Variants in NRXN1 observed in about 807,000 individuals in gnomAD.
NRXN1 encodes neurexin 1, also known as neurexin-1.
In NRXN1, 39 loss-of-function variants were observed where a neutral mutation model predicts 150.9. The ratio of observed to expected loss-of-function variants is 0.26; its 90% confidence interval spans 0.20 to 0.34. The LOEUF (loss-of-function observed/expected upper bound fraction) is 0.34. Ranked by LOEUF, NRXN1 falls within the 10% of genes least tolerant of loss-of-function variation. NRXN1 has a pLI of 1.00. For synonymous variants in NRXN1, 924 were observed against 757.0 expected (o/e 1.22, Z -3.62); for missense variants, 1,815 against 1,949.9 (o/e 0.93, Z 1.30).
intron 22 of NRXN1, among the ~76,000 whole-genome samples, chr2:49,937,825 A>C (rs1015860032): frequency 6.8e-6 from 1 of 147,496 alleles, no homozygotes; most frequent in Admixed American, 6.9e-5. Context: ...CACACATTTA[A>C]ATGTAGAACA....
intron 17 of NRXN1, among the ~76,000 whole-genome samples, chr2:50,297,077 A>C (rs868774331): frequency 8.3e-4 from 28 of 33,816 alleles, no homozygotes; most frequent in Middle Eastern, 0.034. Context: ...TTTTTAGTAG[A>C]GATGGGTTTC....
intron 18 of NRXN1, among the ~76,000 whole-genome samples, chr2:50,229,087 T>C (rs1021446875): frequency 7.2e-5 from 11 of 152,064 alleles, no homozygotes; most frequent in Non-Finnish European, 1.6e-4. Context: ...ATTTGGATTA[T>C]TTATGTCTAC....
chr2:50,663,184 T>A (rs779905279), intron 5 of NRXN1, among the ~76,000 whole-genome samples: 1 of 152,064 alleles, frequency 6.6e-6, no homozygotes, highest in Non-Finnish European at 1.5e-5. Flanking sequence ...CTTTTGCTCA[T>A]TGAAACACCA....
chr2:50,109,152 T>C (rs1429640366), intron 18 of NRXN1, among the ~76,000 whole-genome samples: 1 of 152,164 alleles, frequency 6.6e-6, no homozygotes, highest in East Asian at 1.9e-4. Flanking sequence ...TATGTTATTT[T>C]CTTTGTGTTA....
chr2:50,217,817 C>G (rs1056824626), intron 18 of NRXN1, among the ~76,000 whole-genome samples: 4 of 152,026 alleles, frequency 2.6e-5, no homozygotes, highest in African/African-American at 9.7e-5. Context: ...AATATTTTTG[C>G]CACTTCTCTT....
In NRXN1 at chr2:50,039,650, A is replaced by G. The variant is rs114263249; in HGVS notation, c.4128+13621T>C. On this transcript the variant is annotated intron_variant, in intron 21 of 22. Coordinates refer to ENST00000401669, the MANE Select transcript of NRXN1 (RefSeq NM_001330078.2). ...GCAGTCCAGACTGGTGCTAAAGAAC[A>G]GAAGATACACATCGAGATCCCTTTG... 7.1e-3 allele frequency among the ~76,000 whole-genome samples: 1,076 copies of G among 152,330 alleles called. 3 individuals carry two copies. The highest frequency in any genetic ancestry group is 0.011 in the Non-Finnish European group (717 of 68,034).
intron 2 of NRXN1, among the ~76,000 whole-genome samples, chr2:51,021,318 G>A (rs1352759214): frequency 6.6e-6 from 1 of 151,854 alleles, no homozygotes; most frequent in African/African-American, 2.4e-5. Context: ...CATATTTATA[G>A]GAGTTAATTC....
rs184780522 is a variant in NRXN1 at position 50,902,617 on chromosome 2, G to T, written c.832+19252C>A. 7.5e-3 allele frequency among the ~76,000 whole-genome samples: 1,141 copies of T among 152,178 alleles called. 9 individuals are homozygous for T. Among genetic ancestry groups the T allele is most frequent in the Non-Finnish European group, 0.011 (742 of 68,006 alleles). Reference sequence around the variant, plus strand: ...TCTTCTAAGATACCATGTAACTTGGGAGTGCTGAGAATATATTACAGCACC... The same window carrying T: ...TCTTCTAAGATACCATGTAACTTGGTAGTGCTGAGAATATATTACAGCACC... On this transcript the variant is annotated intron_variant, in intron 5 of 22. Coordinates refer to ENST00000401669, the MANE Select transcript of NRXN1 (RefSeq NM_001330078.2).
intron 2 of NRXN1, among the ~76,000 whole-genome samples, chr2:51,021,169 A>G (rs1669545933): frequency 6.6e-6 from 1 of 152,028 alleles, no homozygotes; most frequent in Admixed American, 6.6e-5. Flanking sequence ...TAAAAAATAT[A>G]AAAATAATTT....
intron 21 of NRXN1, among the ~76,000 whole-genome samples, chr2:50,002,784 C>T (rs1684157145): frequency 6.6e-6 from 1 of 151,932 alleles, no homozygotes; most frequent in African/African-American, 2.4e-5. Flanking sequence ...AGTTGTATGA[C>T]TAAAGATGAT....
At chr2:50,191,423 C>T (rs2061436814) in intron 18 of NRXN1, among the ~76,000 whole-genome samples, 1 of 152,092 alleles carries the variant, frequency 6.6e-6, no homozygotes, top group Non-Finnish European at 1.5e-5. Flanking sequence ...ATTATTCCGA[C>T]TTCACTGGTT....
rs185878181 is a variant in NRXN1 at position 50,581,370 on chromosome 2, T to G, written c.1321-28345A>C. On this transcript the variant is annotated intron_variant, in intron 8 of 22. Coordinates refer to ENST00000401669, the MANE Select transcript of NRXN1 (RefSeq NM_001330078.2). ...CCAAATAATAACACTCATATTGCTATTCCCACTTTATTGGATAGCTTATGT... is the reference window on the plus strand; with the variant it reads ...CCAAATAATAACACTCATATTGCTAGTCCCACTTTATTGGATAGCTTATGT... Among the ~76,000 whole-genome samples, 571 of 152,336 alleles carry G rather than the reference T, an allele frequency of 3.7e-3. 5 individuals carry two copies. The highest frequency in any genetic ancestry group is 0.013 in the African/African-American group (543 of 41,588).
At chr2:50,309,356 T>C (rs536734053) in intron 17 of NRXN1, among the ~76,000 whole-genome samples, 5 of 152,198 alleles carry the variant, frequency 3.3e-5, no homozygotes, top group African/African-American at 4.8e-5. Flanking sequence ...CTGGCTTCCA[T>C]TGGTATCTCT....
At chr2:51,003,242 G>C (rs1055819047) in intron 2 of NRXN1, among the ~76,000 whole-genome samples, 1 of 151,832 alleles carries the variant, frequency 6.6e-6, no homozygotes, top group Non-Finnish European at 1.5e-5. Context: ...TCAACCAGTG[G>C]ACCAGTTAGG....
intron 17 of NRXN1, among the ~76,000 whole-genome samples, chr2:50,295,274 AC>A (rs1418301855): frequency 6.6e-6 from 1 of 152,098 alleles, no homozygotes; most frequent in African/African-American, 2.4e-5. Context: ...TTTAAATTCA[AC>A]CTTTGATTAT....
chr2:50,448,188 G>A (rs755572792), intron 17 of NRXN1, among the ~76,000 whole-genome samples: 3 of 152,106 alleles, frequency 2.0e-5, no homozygotes, highest in East Asian at 3.9e-4. Flanking sequence ...TTCTCTGGTC[G>A]TCTAATAAAT....
chr2:50,670,884 T>C lies in NRXN1; in HGVS notation c.833-47269A>G, dbSNP rs150669954. Among the ~76,000 whole-genome samples, 1,394 of 151,956 alleles carry C rather than the reference T, an allele frequency of 9.2e-3. 9 individuals carry two copies. Among genetic ancestry groups the C allele is most frequent in the Admixed American group, 0.016 (236 of 15,224 alleles). ...GCATGATGTCTGGAGGTAAATGATATTGCTTGGTGATCTTTGATCACTTGG... is the reference window on the plus strand; with the variant it reads ...GCATGATGTCTGGAGGTAAATGATACTGCTTGGTGATCTTTGATCACTTGG... On this transcript the variant is annotated intron_variant, in intron 5 of 22. Transcript: ENST00000401669.
At chr2:50,859,176 A>T (rs2106018629) in intron 5 of NRXN1, among the ~76,000 whole-genome samples, 1 of 152,046 alleles carries the variant, frequency 6.6e-6, no homozygotes, top group South Asian at 2.1e-4. Flanking sequence ...TTGTCTCACA[A>T]GTGCAATTAC....
At chr2:50,461,817 G>T (rs1392057066) in intron 17 of NRXN1, among the ~76,000 whole-genome samples, 3 of 151,926 alleles carry the variant, frequency 2.0e-5, no homozygotes, top group African/African-American at 7.2e-5. Flanking sequence ...AGTAGAGATT[G>T]AAAAGGAAAT....
Sources: allele counts gnomAD v4.1 joint callset (sites outside exome capture counted in the v4.1 genomes callset), GRCh38; gene constraint gnomAD v4.1.1; transcripts MANE v1.5; gene names NCBI Gene and HGNC (gene_info 2026-07-23, HGNC 2026-07-21).